GMDS: variants seen among roughly 807,000 people sequenced by gnomAD.
GMDS encodes GDP-mannose 4,6 dehydratase.
A neutral mutation model predicts 49.9 loss-of-function variants in GMDS; 20 were observed. That is an observed-to-expected ratio of 0.40 (90% CI 0.28 to 0.58). The LOEUF is 0.58. Among genes scored for constraint, GMDS ranks in the 20% least tolerant of loss-of-function variants. The pLI is 0.42. For missense variants in GMDS, 362 were observed against 481.4 expected (o/e 0.75, Z 2.32); for synonymous variants, 177 against 178.6 (o/e 0.99, Z 0.07).
chr6:2,006,670 C>A (rs1767201824), intron 4 of GMDS, among the ~76,000 whole-genome samples: 1 of 152,124 alleles, frequency 6.6e-6, no homozygotes, highest in Non-Finnish European at 1.5e-5. Context: ...ACATCATTTT[C>A]CTGTGTCTCC....
At chr6:2,100,526 C>T (rs1271918567) in intron 4 of GMDS, among the ~76,000 whole-genome samples, 2 of 151,950 alleles carry the variant, frequency 1.3e-5, no homozygotes, top group African/African-American at 4.8e-5. Context: ...AAAGGTCTAA[C>T]GTCACAATAC....
At chr6:1,679,576 C>T (rs565087263) in intron 9 of GMDS, 14 of 152,264 alleles carry the variant, frequency 9.2e-5, no homozygotes, top group Admixed American at 7.8e-4. Context: ...ATGAGTGGCC[C>T]GTGATGACTG....
rs565148159 is a variant in GMDS, at chr6:2,065,081, C to G, written c.345+50690G>C. Among the ~76,000 whole-genome samples the G allele has an allele frequency of 1.6e-4, 24 of 152,168 alleles. No homozygotes were observed. In the South Asian group the frequency reaches 3.5e-3, roughly 22 times the overall value. ...CAGCATGCAGCTGGAGATCTGAGGA[C>G]AGGCAGACTGCCTCCTCAAGTGGAT... is the stretch of plus-strand genomic sequence containing the variant. On this transcript the variant is annotated intron_variant, in intron 4 of 10. Transcript: ENST00000380815.
At chr6:1,902,659 G>A (rs1405685873) in intron 7 of GMDS, among the ~76,000 whole-genome samples, 7 of 152,104 alleles carry the variant, frequency 4.6e-5, no homozygotes, top group Admixed American at 1.3e-4. Flanking sequence ...ATAGTAAGAC[G>A]CTATATATGA....
At chr6:2,056,396 T>C (rs1344768895) in intron 4 of GMDS, among the ~76,000 whole-genome samples, 2 of 152,218 alleles carry the variant, frequency 1.3e-5, no homozygotes, top group Non-Finnish European at 2.9e-5. Flanking sequence ...TCTGTTTTTC[T>C]TGAGTTCCAT....
intron 4 of GMDS, among the ~76,000 whole-genome samples, chr6:1,979,538 G>A (rs1236858162): frequency 6.6e-6 from 1 of 152,046 alleles, no homozygotes; most frequent in Non-Finnish European, 1.5e-5. Flanking sequence ...GAGAAATATG[G>A]GATTATGTAA....
At chr6:1,982,709 G>A (rs186940416) in intron 4 of GMDS, among the ~76,000 whole-genome samples, 13 of 152,274 alleles carry the variant, frequency 8.5e-5, no homozygotes, top group Admixed American at 7.8e-4. Context: ...ACAAACCACT[G>A]CTCAAAGAAA....
intron 7 of GMDS, among the ~76,000 whole-genome samples, chr6:1,864,551 C>A (rs184816421): frequency 1.2e-4 from 19 of 152,272 alleles, no homozygotes; most frequent in African/African-American, 4.6e-4. Context: ...GGGAGGAAAG[C>A]AAACCCATGA....
intron 4 of GMDS, among the ~76,000 whole-genome samples, chr6:1,985,212 A>G (rs1289547450): frequency 6.6e-6 from 1 of 152,222 alleles, no homozygotes; most frequent in African/African-American, 2.4e-5. Context: ...CACTGAACAG[A>G]GCTGTTAGAT....
At chr6:2,134,249 A>C (rs934817594) in intron 1 of GMDS, among the ~76,000 whole-genome samples, 5 of 152,210 alleles carry the variant, frequency 3.3e-5, no homozygotes, top group African/African-American at 1.2e-4. Context: ...CTATAGGACT[A>C]ATGCTTTTAG....
At chr6:2,055,841 TA>T (rs1770746076) in intron 4 of GMDS, among the ~76,000 whole-genome samples, 1 of 152,134 alleles carries the variant, frequency 6.6e-6, no homozygotes, top group African/African-American at 2.4e-5. Context: ...CCAAAATACC[TA>T]CTATGATTCC....
At chr6:2,013,213 C>G (rs1407528702) in intron 4 of GMDS, among the ~76,000 whole-genome samples, 1 of 152,136 alleles carries the variant, frequency 6.6e-6, no homozygotes, top group Non-Finnish European at 1.5e-5. Context: ...CTCAAGGTAT[C>G]CTAGACAAGA....
At chr6:1,967,308 C>T (rs1764317423) in intron 4 of GMDS, among the ~76,000 whole-genome samples, 1 of 151,816 alleles carries the variant, frequency 6.6e-6, no homozygotes, top group Middle Eastern at 3.2e-3. Context: ...CGCAGTGTCT[C>T]CCATGCCGGA....
intron 6 of GMDS, among the ~76,000 whole-genome samples, chr6:1,954,909 C>T (rs2628447): frequency 0.59 from 89,035 of 151,872 alleles, 26,137 homozygotes; most frequent in East Asian, 0.64. Flanking sequence ...ACAATATTTA[C>T]GGATTAAATT....
chr6:2,159,323 G>A (rs1419266348), intron 1 of GMDS, among the ~76,000 whole-genome samples: 1 of 151,978 alleles, frequency 6.6e-6, no homozygotes, highest in Non-Finnish European at 1.5e-5. Flanking sequence ...GGGCTCACAT[G>A]ATCCGCCCAC....
intron 7 of GMDS, among the ~76,000 whole-genome samples, chr6:1,874,326 T>C (rs1019156134): frequency 6.6e-6 from 1 of 152,214 alleles, no homozygotes; most frequent in African/African-American, 2.4e-5. Flanking sequence ...GTTTACACTT[T>C]CCATTTTTCC....
intron 6 of GMDS, among the ~76,000 whole-genome samples, chr6:1,959,362 T>TA (rs1581422780): frequency 6.6e-6 from 1 of 152,204 alleles, no homozygotes; most frequent in African/African-American, 2.4e-5. Context: ...AAAATCTTGT[T>TA]AAAAAACTGA....
At chr6:1,758,574 T>C (rs1768043713) in intron 7 of GMDS, among the ~76,000 whole-genome samples, 1 of 152,200 alleles carries the variant, frequency 6.6e-6, no homozygotes, top group African/African-American at 2.4e-5. Flanking sequence ...TGCAATCCTC[T>C]GGAAGATTAG....
chr6:1,624,520 G>C lies in GMDS; in HGVS notation c.1008C>G (p.Cys336Trp). The part of the protein sequence containing the change: ...PTEVDFLQGD[C>W]TKAKQKLNWK... ...AGTTCAGCTTCTGTTTCGCTTTGGT[G>C]CAGTCGCCCTGCAGAAAGTCCTAGG... The change falls in exon 10 of 11, where the codon TGC becomes TGG. Residue 336 changes from cysteine to tryptophan, a missense_variant. By Grantham distance (215) the Cys-to-Trp change is radical (BLOSUM62 -2). Coordinates refer to ENST00000380815, the MANE Select transcript of GMDS (RefSeq NM_001500.4). The C allele has an allele frequency of 6.2e-7, 1 of 1,613,794 alleles. No individual in the cohort carries two copies. Among genetic ancestry groups the C allele is most frequent in the Non-Finnish European group, 8.5e-7 (1 of 1,179,716 alleles).
Sources: allele counts gnomAD v4.1 joint callset (sites outside exome capture counted in the v4.1 genomes callset), GRCh38; gene constraint gnomAD v4.1.1; transcripts MANE v1.5; gene names NCBI Gene and HGNC (gene_info 2026-07-23, HGNC 2026-07-21).